Variants in SPAST observed in about 807,000 individuals in gnomAD.
SPAST encodes spastin, also known as spastic paraplegia 4 (autosomal dominant; spastin).
SPAST carries 30 observed loss-of-function variants against 76.6 expected under a neutral mutation model. The observed-to-expected ratio is 0.39, with a 90% CI of 0.29 to 0.53. The LOEUF (loss-of-function observed/expected upper bound fraction) is 0.53. Among genes scored for constraint, SPAST ranks in the 20% least tolerant of loss-of-function variants. The pLI, the probability that SPAST is intolerant of heterozygous loss-of-function variation, is 0.68. For missense variants in SPAST, 717 were observed against 770.5 expected (o/e 0.93, Z 0.82); for synonymous variants, 305 against 281.0 (o/e 1.09, Z -0.86).
intron 9 of SPAST, chr2:32,128,924 C>T (rs1679284289): frequency 9.3e-6 from 2 of 213,984 alleles, no homozygotes; most frequent in Non-Finnish European, 1.9e-5. Flanking sequence ...CTTTATGTGG[C>T]ATTCTCCCTG....
chr2:32,122,956 G>T (rs1343508272), intron 7 of SPAST, among the ~76,000 whole-genome samples: 1 of 151,918 alleles, frequency 6.6e-6, no homozygotes, highest in African/African-American at 2.4e-5. Flanking sequence ...TGAACAACTG[G>T]AATTTGAAAT....
intron 1 of SPAST, among the ~76,000 whole-genome samples, chr2:32,073,465 T>C (rs938100335): frequency 1.3e-5 from 2 of 152,204 alleles, no homozygotes; most frequent in Admixed American, 6.5e-5. Context: ...TACTCTTCTA[T>C]ATTAGTTTTC....
In SPAST at chr2:32,133,596, C is replaced by G. The variant is rs550380589; in HGVS notation, c.1246-2967C>G. Among the ~76,000 whole-genome samples, 62 of 151,630 alleles carry G rather than the reference C, an allele frequency of 4.1e-4. No individual in the cohort carries two copies. In the South Asian group the frequency reaches 5.8e-3, roughly 14 times the overall value. ...GTAGTTGTAGTTGTGCTTTTTTACA[C>G]AGATTTAATTTTTATATTTTTCTTA... is the stretch of plus-strand genomic sequence containing the variant. On this transcript the variant is annotated intron_variant, in intron 9 of 16. Coordinates refer to ENST00000315285, the MANE Select transcript of SPAST (RefSeq NM_014946.4).
At chr2:32,119,273 AT>A (rs1678940713) in intron 7 of SPAST, among the ~76,000 whole-genome samples, 1 of 152,202 alleles carries the variant, frequency 6.6e-6, no homozygotes, top group South Asian at 2.1e-4. Context: ...TGTTAAGCCT[AT>A]GAATGGGTAA....
intron 9 of SPAST, among the ~76,000 whole-genome samples, chr2:32,130,921 T>C (rs1236577083): frequency 6.6e-6 from 1 of 152,214 alleles, no homozygotes; most frequent in African/African-American, 2.4e-5. Flanking sequence ...CTAGCTGCTA[T>C]GAACAGCATG....
chr2:32,075,418 T>A (rs1676912043), intron 1 of SPAST, among the ~76,000 whole-genome samples: 1 of 92,530 alleles, frequency 1.1e-5, no homozygotes, highest in South Asian at 5.4e-4. Flanking sequence ...AGAGCGAGAC[T>A]CTGTCTCAAA....
At chr2:32,106,841 T>A (rs1218243534) in intron 4 of SPAST, among the ~76,000 whole-genome samples, 1 of 152,012 alleles carries the variant, frequency 6.6e-6, no homozygotes, top group Non-Finnish European at 1.5e-5. Context: ...TTTGCCTGTT[T>A]CTTTTAGCGT....
In SPAST at chr2:32,063,939, C is replaced by T. The variant is rs1261214882; in HGVS notation, c.108C>T (p.Ala36=). The T allele has an allele frequency of 1.9e-6, 3 of 1,605,192 alleles. No homozygotes were observed. Among genetic ancestry groups the T allele is most frequent in the African/African-American group, 1.3e-5 (1 of 74,688 alleles). The change falls in exon 1 of 17, where the codon GCC becomes GCT. Residue 36 remains alanine, a synonymous_variant. Transcript: ENST00000315285. The part of the protein sequence containing the change: ...PPCLAPAPPA[A]GPAPPPESPH... ...GCCTGGCCCCCGCCCCTCCCGCCGC[C>T]GGGCCGGCCCCTCCGCCCGAGTCGC...
chr2:32,112,024 T>C (rs1327113925), intron 4 of SPAST, among the ~76,000 whole-genome samples: 3 of 147,816 alleles, frequency 2.0e-5, no homozygotes, highest in Admixed American at 6.8e-5. Context: ...TTTTTTTTTT[T>C]TAGATGGAGC....
At position 32,089,551 on chromosome 2, in the gene SPAST, C is replaced by T. The variant is rs1677628649; in HGVS notation, c.532C>T (p.Gln178Ter). Residue 178 changes from glutamine to a stop codon, truncating the protein, a stop_gained, in exon 3 of 17, where the codon CAA becomes TAA. Coordinates refer to ENST00000315285, the MANE Select transcript of SPAST (RefSeq NM_014946.4). LOFTEE classifies it high-confidence loss of function. ...GEQCERARRL[Q>*]AKMMTNLVMA... is the part of the protein sequence containing the mutation. ...ACAGTGTGAAAGAGCTAGACGCCTTCAAGCTAAAATGATGACTAATTTGGT... is the reference window on the plus strand; with the variant it reads ...ACAGTGTGAAAGAGCTAGACGCCTTTAAGCTAAAATGATGACTAATTTGGT... 6.2e-7 allele frequency: 1 copy of T among 1,605,226 alleles called. No individual in the cohort carries two copies. Among genetic ancestry groups the T allele is most frequent in the African/African-American group, 1.3e-5 (1 of 74,696 alleles).
intron 1 of SPAST, among the ~76,000 whole-genome samples, chr2:32,077,144 G>T (rs1676993788): frequency 6.6e-6 from 1 of 152,118 alleles, no homozygotes; most frequent in Non-Finnish European, 1.5e-5. Flanking sequence ...AAAGTGCTGG[G>T]ATTATAGGCG....
chr2:32,082,348 T>C (rs1047073751), intron 1 of SPAST, among the ~76,000 whole-genome samples: 7 of 152,052 alleles, frequency 4.6e-5, no homozygotes, highest in African/African-American at 9.7e-5. Flanking sequence ...GATGTTATAA[T>C]CCAAGCCCAA....
chr2:32,085,580 C>G (rs72862276), intron 1 of SPAST, among the ~76,000 whole-genome samples: 6 of 151,946 alleles, frequency 3.9e-5, no homozygotes, highest in African/African-American at 7.3e-5. Context: ...GTCAACCAGC[C>G]GTAGTATATA....
intron 1 of SPAST, among the ~76,000 whole-genome samples, chr2:32,083,739 ATTTATATATAC>A (rs1349639700): frequency 0.044 from 2,707 of 61,950 alleles, 198 homozygotes; most frequent in African/African-American, 0.089. Context: ...TACTATATAT[ATTTATATATAC>A]TATATATATA....
chr2:32,113,654 C>T lies in SPAST; in HGVS notation c.683-984C>T, dbSNP rs183285982. 4.0e-3 allele frequency among the ~76,000 whole-genome samples: 606 copies of T among 150,076 alleles called. 2 individuals carry two copies. The highest frequency in any genetic ancestry group is 6.7e-3 in the Non-Finnish European group (451 of 67,622). Reference sequence around the variant, plus strand: ...AATCTCGGCTTACTGCAACCTCCGCCTCCTGAGTTCAAGTGATTCTCCTGC... The same window carrying T: ...AATCTCGGCTTACTGCAACCTCCGCTTCCTGAGTTCAAGTGATTCTCCTGC... On this transcript the variant is annotated intron_variant, in intron 4 of 16. Transcript: ENST00000315285.
At chr2:32,099,660 G>C (rs190348805) in intron 4 of SPAST, among the ~76,000 whole-genome samples, 1 of 151,886 alleles carries the variant, frequency 6.6e-6, no homozygotes. Flanking sequence ...ATCATTCCTT[G>C]TGTTGGAAAC....
At chr2:32,144,066 G>A (rs909386879) in intron 14 of SPAST, among the ~76,000 whole-genome samples, 4 of 152,072 alleles carry the variant, frequency 2.6e-5, no homozygotes, top group Non-Finnish European at 5.9e-5. Flanking sequence ...TAGGAGATGC[G>A]CTCATGAATT....
chr2:32,119,819 T>TA (rs1417690441), intron 7 of SPAST, among the ~76,000 whole-genome samples: 1 of 152,218 alleles, frequency 6.6e-6, no homozygotes, highest in Admixed American at 6.5e-5. Context: ...AATATTTTAC[T>TA]AAGAAAGCGT....
intron 4 of SPAST, among the ~76,000 whole-genome samples, chr2:32,111,479 CATAT>C (rs1202977857): frequency 2.0e-5 from 3 of 149,878 alleles, no homozygotes; most frequent in Non-Finnish European, 4.5e-5. Flanking sequence ...GTTACATATA[CATAT>C]AGTTATTTTT....
Sources: gnomAD v4.1 joint callset for allele counts (sites outside exome capture counted in the v4.1 genomes callset) on GRCh38, gnomAD v4.1.1 for gene constraint, MANE v1.5 for transcripts, NCBI Gene and HGNC (gene_info 2026-07-23, HGNC 2026-07-21) for gene names.